Variants in MLIP observed in about 807,000 individuals in gnomAD.
MLIP encodes muscular LMNA interacting protein.
Under a neutral mutation model 84.8 loss-of-function variants are expected in MLIP, and 79 were observed. The observed-to-expected ratio is 0.93, with a 90% CI of 0.78 to 1.12. The LOEUF (loss-of-function observed/expected upper bound fraction) is 1.12. Ranked by LOEUF, MLIP falls within the 50% of genes most tolerant of loss-of-function variation. The probability of loss-of-function intolerance (pLI) is 0.00; values close to 1 mark genes in which losing one functional copy is unlikely to be tolerated. For synonymous variants in MLIP, 504 were observed against 463.0 expected, an observed-to-expected ratio of 1.09 and a Z score of -1.14; for missense variants, 1,257 against 1,160.6, an observed-to-expected ratio of 1.08 and a Z score of -1.21.
chr6:54,119,840 C>T (rs997629541), intron 1 of MLIP, among the ~76,000 whole-genome samples: 1 of 152,108 alleles, frequency 6.6e-6, no homozygotes, highest in Admixed American at 6.5e-5. Flanking sequence ...AAGTGGTTCT[C>T]ATCATCTTCC....
At chr6:54,050,130 A>T (rs1765292257) in intron 1 of MLIP, among the ~76,000 whole-genome samples, 1 of 152,124 alleles carries the variant, frequency 6.6e-6, no homozygotes, top group Non-Finnish European at 1.5e-5. Flanking sequence ...CTGAAGCTCT[A>T]GTGTCTATTT....
At chr6:54,115,891 A>G (rs1315376239) in intron 1 of MLIP, among the ~76,000 whole-genome samples, 1 of 152,232 alleles carries the variant, frequency 6.6e-6, no homozygotes, top group African/African-American at 2.4e-5. Flanking sequence ...AGTCCTTCAG[A>G]GAGAACCATG....
At chr6:54,250,399 C>T (rs1010539474) in intron 12 of MLIP, among the ~76,000 whole-genome samples, 4 of 151,956 alleles carry the variant, frequency 2.6e-5, no homozygotes, top group African/African-American at 9.7e-5. Flanking sequence ...ATTATAAAGA[C>T]ACATGCATGT....
At chr6:54,136,541 T>C (rs1360129291) in intron 3 of MLIP, among the ~76,000 whole-genome samples, 174 bp from the exon 4 acceptor site, 2 of 152,214 alleles carry the variant, frequency 1.3e-5, no homozygotes, top group South Asian at 2.1e-4. Flanking sequence ...TTGTATCTTA[T>C]TTCGAATTCA....
At chr6:54,254,836 T>C (rs993086111) in intron 12 of MLIP, among the ~76,000 whole-genome samples, 2 of 144,812 alleles carry the variant, frequency 1.4e-5, no homozygotes, top group Non-Finnish European at 3.0e-5. Context: ...TATTTAAATA[T>C]CTTCCAATCC....
Position 54,111,542 on chromosome 6 carries a change from C to G in MLIP, c.63C>G (p.Cys21Trp). The G allele has an allele frequency of 6.5e-7, 1 of 1,536,006 alleles. No individual in the cohort carries two copies. Among genetic ancestry groups the G allele is most frequent in the South Asian group, 1.2e-5 (1 of 84,056 alleles). Residue 21 changes from cysteine to tryptophan, a missense_variant, in exon 1 of 14, where the codon TGC becomes TGG. Cys to Trp is a radical substitution (Grantham distance 215). Transcript: ENST00000502396. ...ACAATTACTTCCAAATGACCTCGTG[C>G]ATCTTATCAGGGAGCATTCAGACCA... is the stretch of plus-strand genomic sequence containing the variant. Reference protein sequence around the residue: ...CGNNYFQMTSCILSGSIQTTP... With the variant: ...CGNNYFQMTSWILSGSIQTTP...
chr6:54,033,781 A>G (rs1350187451), intron 1 of MLIP, among the ~76,000 whole-genome samples: 1 of 152,228 alleles, frequency 6.6e-6, no homozygotes, highest in Non-Finnish European at 1.5e-5. Flanking sequence ...TGTAATAAAC[A>G]AATAGTCAAA....
At chr6:54,215,098 G>T in intron 11 of MLIP, 1 of 1,413,640 alleles carries the variant, frequency 7.1e-7, no homozygotes, top group South Asian at 1.2e-5. Context: ...TTTTCTACAC[G>T]CTGTGTACTT....
At chr6:54,138,343 T>C (rs1772005140) in intron 4 of MLIP, 57 bp downstream of exon 4, 1 of 1,462,300 alleles carries the variant, frequency 6.8e-7, no homozygotes, top group South Asian at 1.4e-5. Flanking sequence ...AGAATCTTTT[T>C]TTTTTCCCCA....
At chr6:54,230,644 A>C in intron 11 of MLIP, 70 bp from the exon 12 acceptor site, 1 of 1,385,510 alleles carries the variant, frequency 7.2e-7, no homozygotes, top group Non-Finnish European at 1.0e-6. Flanking sequence ...TGTCTATCGT[A>C]GACCTAATTC....
chr6:54,068,805 C>T, intron 1 of MLIP, among the ~76,000 whole-genome samples: 1 of 100,228 alleles, frequency 1.0e-5, no homozygotes. Flanking sequence ...GCCCCTTCAC[C>T]AGCTAGCTAG....
intron 12 of MLIP, among the ~76,000 whole-genome samples, chr6:54,255,904 A>G (rs984984814): frequency 3.9e-5 from 6 of 152,168 alleles, no homozygotes; most frequent in African/African-American, 1.4e-4. Flanking sequence ...TACTTATACC[A>G]ATGACTGTGC....
intron 5 of MLIP, among the ~76,000 whole-genome samples, chr6:54,156,185 G>A (rs1774008169): frequency 6.6e-6 from 1 of 151,970 alleles, no homozygotes; most frequent in African/African-American, 2.4e-5. Context: ...TAGAAGTGGT[G>A]TATATCACAA....
intron 1 of MLIP, among the ~76,000 whole-genome samples, chr6:54,074,935 G>T (rs1276169392): frequency 6.6e-6 from 1 of 152,016 alleles, no homozygotes; most frequent in Non-Finnish European, 1.5e-5. Flanking sequence ...CAAAAGAACA[G>T]CTGCTGCATT....
intron 12 of MLIP, among the ~76,000 whole-genome samples, chr6:54,252,414 G>A (rs34272698): frequency 0.15 from 13,675 of 90,458 alleles, 2,026 homozygotes; most frequent in African/African-American, 0.46. Context: ...TATAACTATA[G>A]TATATTATAA....
intron 5 of MLIP, among the ~76,000 whole-genome samples, chr6:54,157,987 T>C (rs1487954698): frequency 6.6e-6 from 1 of 152,126 alleles, no homozygotes; most frequent in African/African-American, 2.4e-5. Context: ...TATTTACCCT[T>C]ATGAGCTATT....
intron 9 of MLIP, among the ~76,000 whole-genome samples, chr6:54,188,391 T>C (rs886133638): frequency 2.0e-5 from 3 of 152,150 alleles, no homozygotes; most frequent in South Asian, 2.1e-4. Flanking sequence ...AAATGCATTT[T>C]ACAGCTGTCC....
chr6:54,111,957 G>A (rs1769503523), intron 1 of MLIP, among the ~76,000 whole-genome samples: 1 of 152,260 alleles, frequency 6.6e-6, no homozygotes, highest in South Asian at 2.1e-4. Flanking sequence ...CGTGGCATGC[G>A]GGAAAACAGT....
chr6:54,220,210 C>T (rs1413806704), intron 11 of MLIP, among the ~76,000 whole-genome samples: 1 of 152,060 alleles, frequency 6.6e-6, no homozygotes, highest in Non-Finnish European at 1.5e-5. Flanking sequence ...ATATACCTGT[C>T]CTTAAGTTTA....
Sources: gnomAD v4.1 joint callset for allele counts (sites outside exome capture counted in the v4.1 genomes callset) on GRCh38, gnomAD v4.1.1 for gene constraint, MANE v1.5 for transcripts, NCBI Gene and HGNC (gene_info 2026-07-23, HGNC 2026-07-21) for gene names.